Variants in ERC2 observed in about 807,000 individuals in gnomAD.
ERC2 encodes the protein ERC protein 2.
Under a neutral mutation model 114.8 loss-of-function variants are expected in ERC2, and 42 were observed. The observed-to-expected ratio is 0.37, with a 90% CI of 0.29 to 0.47. The LOEUF (loss-of-function observed/expected upper bound fraction) is 0.47. Among genes scored for constraint, ERC2 ranks in the 20% least tolerant of loss-of-function variants. The probability of loss-of-function intolerance (pLI) is 0.99; values close to 1 mark genes in which losing one functional copy is unlikely to be tolerated. For missense variants in ERC2, 939 were observed against 1,150.7 expected (o/e 0.82, Z 2.66); for synonymous variants, 454 against 425.5 (o/e 1.07, Z -0.82).
intron 4 of ERC2, among the ~76,000 whole-genome samples, chr3:56,152,050 G>A (rs889537894): frequency 6.6e-6 from 1 of 152,148 alleles, no homozygotes; most frequent in Non-Finnish European, 1.5e-5. Flanking sequence ...TCTGGAAGCA[G>A]ATAATCGTGG....
chr3:55,948,806 T>C (rs2067296173), intron 13 of ERC2, among the ~76,000 whole-genome samples: 1 of 152,240 alleles, frequency 6.6e-6, no homozygotes, highest in African/African-American at 2.4e-5. Context: ...GCTCATTGTA[T>C]ATCAGATTAG....
At chr3:56,412,115 AG>A (rs1167531337) in intron 2 of ERC2, among the ~76,000 whole-genome samples, 1 of 152,226 alleles carries the variant, frequency 6.6e-6, no homozygotes, top group African/African-American at 2.4e-5. Context: ...AGAAAGGTAG[AG>A]GGAGATTTGA....
chr3:56,192,888 G>A lies in ERC2; in HGVS notation c.1075-19368C>T, dbSNP rs572224603. On this transcript the variant is annotated intron_variant, in intron 3 of 17. Transcript: ENST00000288221. The stretch of plus-strand genomic sequence containing the variant: ...CAGGAAACACATTCATTTGACAATG[G>A]GTATCAGTTTTCCATAAGGTCTCCC... Among the ~76,000 whole-genome samples the A allele has an allele frequency of 5.3e-5, 8 of 152,090 alleles. No individual in the cohort carries two copies. The South Asian group carries it at 1.5e-3, about 28-fold the overall frequency.
intron 14 of ERC2, among the ~76,000 whole-genome samples, chr3:55,842,835 C>A (rs962824594): frequency 3.9e-5 from 6 of 151,972 alleles, no homozygotes; most frequent in Admixed American, 3.9e-4. Flanking sequence ...GAGGTTCTAA[C>A]CTCTAACGAT....
intron 17 of ERC2, among the ~76,000 whole-genome samples, chr3:55,671,894 C>T (rs1379106142): frequency 6.6e-6 from 1 of 152,188 alleles, no homozygotes; most frequent in African/African-American, 2.4e-5. Flanking sequence ...GAGCAATAAG[C>T]ACAGCAAACG....
chr3:55,955,490 C>G (rs9311590), intron 12 of ERC2, among the ~76,000 whole-genome samples: 64,542 of 151,940 alleles, frequency 0.42, 14,317 homozygotes, highest in African/African-American at 0.54. Flanking sequence ...GGAATCATAT[C>G]GTACATAACC....
At chr3:56,133,415 C>T (rs28496913) in intron 6 of ERC2, among the ~76,000 whole-genome samples, 1 of 151,990 alleles carries the variant, frequency 6.6e-6, no homozygotes, top group East Asian at 1.9e-4. Context: ...CCAGCCTGAG[C>T]GACAGAGCAA....
intron 14 of ERC2, among the ~76,000 whole-genome samples, chr3:55,861,064 C>T (rs553937414): frequency 1.3e-5 from 2 of 152,324 alleles, no homozygotes; most frequent in South Asian, 4.1e-4. Flanking sequence ...CAACTGTGCT[C>T]GTTGACAAAA....
intron 3 of ERC2, among the ~76,000 whole-genome samples, chr3:56,271,125 T>C (rs1156358892): frequency 6.6e-6 from 1 of 152,230 alleles, no homozygotes; most frequent in African/African-American, 2.4e-5. Flanking sequence ...CCAAGGAAGA[T>C]GAAGCAACCC....
chr3:56,139,125 T>TG lies in ERC2; in HGVS notation c.1473+383_1473+384insC, dbSNP rs375497813. 2.6e-3 allele frequency among the ~76,000 whole-genome samples: 393 copies of TG among 152,324 alleles called. 2 individuals carry two copies. Among genetic ancestry groups the TG allele is most frequent in the African/African-American group, 9.1e-3 (378 of 41,576 alleles). ...ACCATTCTAGATCCAAGCCCTTGACTTGGATTTACCAAATCTAAAATGCTC... is the reference window on the plus strand; with the variant it reads ...ACCATTCTAGATCCAAGCCCTTGACTGTGGATTTACCAAATCTAAAATGCTC... On this transcript the variant is annotated intron_variant, in intron 6 of 17. Coordinates refer to ENST00000288221, the MANE Select transcript of ERC2 (RefSeq NM_015576.3).
intron 1 of ERC2, 88 bp downstream of exon 1, chr3:56,468,160 G>C (rs978685244): frequency 6.6e-6 from 1 of 152,050 alleles, no homozygotes; most frequent in Non-Finnish European, 1.5e-5. Flanking sequence ...CCACGAGCGA[G>C]GGGGACCCGG....
intron 3 of ERC2, among the ~76,000 whole-genome samples, chr3:56,184,682 A>C (rs144433109): frequency 9.9e-4 from 151 of 152,216 alleles, no homozygotes; most frequent in African/African-American, 3.4e-3. Context: ...CTAACATAAC[A>C]CTTGGTTTAT....
intron 13 of ERC2, among the ~76,000 whole-genome samples, chr3:55,922,234 C>G (rs1239914214): frequency 6.6e-6 from 1 of 152,032 alleles, no homozygotes; most frequent in Non-Finnish European, 1.5e-5. Flanking sequence ...AGTGACGTTT[C>G]TAACAAAACC....
chr3:55,996,693 T>C (rs905200331), intron 10 of ERC2, among the ~76,000 whole-genome samples: 1 of 152,198 alleles, frequency 6.6e-6, no homozygotes, highest in Non-Finnish European at 1.5e-5. Flanking sequence ...CTCACTGATG[T>C]GGGCAGGCCT....
At chr3:55,978,276 C>T (rs550105165) in intron 12 of ERC2, among the ~76,000 whole-genome samples, 3 of 152,208 alleles carry the variant, frequency 2.0e-5, no homozygotes, top group African/African-American at 4.8e-5. Flanking sequence ...ATAGGACAAA[C>T]AAGGATTGTA....
intron 13 of ERC2, among the ~76,000 whole-genome samples, chr3:55,920,789 T>A (rs757936911): frequency 1.3e-5 from 2 of 152,066 alleles, no homozygotes; most frequent in African/African-American, 4.8e-5. Context: ...GTGACAATAA[T>A]TGTATGGCAT....
At chr3:56,135,758 G>A (rs2080468526) in intron 6 of ERC2, among the ~76,000 whole-genome samples, 1 of 152,142 alleles carries the variant, frequency 6.6e-6, no homozygotes, top group Admixed American at 6.5e-5. Flanking sequence ...TTAGATCACA[G>A]AATAAATGTT....
intron 17 of ERC2, among the ~76,000 whole-genome samples, chr3:55,514,464 A>G (rs2052346352): frequency 1.3e-5 from 2 of 152,224 alleles, no homozygotes; most frequent in South Asian, 2.1e-4. Context: ...AAATTTTTTA[A>G]AAAAGGGTGG....
chr3:56,131,025 T>C (rs554135250), intron 6 of ERC2, among the ~76,000 whole-genome samples: 1 of 152,256 alleles, frequency 6.6e-6, no homozygotes, highest in South Asian at 2.1e-4. Flanking sequence ...TGTTTGGCAC[T>C]ACCATCATCC....
Sources: allele counts gnomAD v4.1 joint callset (sites outside exome capture counted in the v4.1 genomes callset), GRCh38; gene constraint gnomAD v4.1.1; transcripts MANE v1.5; gene names NCBI Gene and HGNC (gene_info 2026-07-23, HGNC 2026-07-21).